XKR3: variants seen among roughly 807,000 people sequenced by gnomAD.
The protein encoded by XKR3 is XK related 3.
Under a neutral mutation model 40.3 loss-of-function variants are expected in XKR3, and 27 were observed. The observed-to-expected ratio is 0.67, with a 90% CI of 0.49 to 0.92. XKR3 has a LOEUF of 0.92. XKR3 is among the 40% of genes least tolerant of loss of function. XKR3 has a pLI of 0.00. For missense variants in XKR3, 472 were observed against 537.6 expected (o/e 0.88, Z 1.21); for synonymous variants, 193 against 195.4 (o/e 0.99, Z 0.10).
In XKR3 at chr22:16,824,032, A is replaced by G. The variant is rs145594454; in HGVS notation, c.-11+1259T>C. ...TTAAAAAACAAAACAAAACAACAAC[A>G]ACAACAAAATAATTTGTTGCTTGCA... On this transcript the variant is annotated intron_variant, in intron 1 of 3. Transcript: ENST00000684488. Among the ~76,000 whole-genome samples the G allele has an allele frequency of 8.5e-5, 13 of 152,340 alleles. No individual in the cohort carries two copies. In the South Asian group the frequency reaches 1.2e-3, roughly 15 times the overall value.
intron 3 of XKR3, among the ~76,000 whole-genome samples, chr22:16,794,101 G>C (rs1356686583): frequency 4.6e-5 from 7 of 152,118 alleles, no homozygotes; most frequent in Admixed American, 1.3e-4. Context: ...AGAAAAGGAG[G>C]AAGAATAAGC....
intron 1 of XKR3, among the ~76,000 whole-genome samples, chr22:16,818,085 C>T (rs1264382180): frequency 1.3e-5 from 2 of 151,918 alleles, no homozygotes; most frequent in Non-Finnish European, 2.9e-5. Context: ...AAAACTTCTT[C>T]GAGATTAATT....
rs1185654835 is a variant in XKR3, at chr22:16,783,912, T to G, written c.1087A>C (p.Arg363=). Residue 363 remains arginine (R), a synonymous_variant, in exon 4 of 4, where the codon AGG becomes CGG. Coordinates refer to ENST00000684488, the MANE Select transcript of XKR3 (RefSeq NM_001386955.1). ...LENVIMILVF[R]FFGGKTLLNC... ...AGCAAAGTTTTCCCTCCAAAGAACCTAAATACCAATATCATTATCACATTT... is the reference window on the plus strand; with the variant it reads ...AGCAAAGTTTTCCCTCCAAAGAACCGAAATACCAATATCATTATCACATTT... 2 of 1,614,216 alleles carry G rather than the reference T, an allele frequency of 1.2e-6. No homozygotes were observed. Among genetic ancestry groups the G allele is most frequent in the Non-Finnish European group, 1.7e-6 (2 of 1,180,040 alleles).
intron 1 of XKR3, among the ~76,000 whole-genome samples, chr22:16,810,142 T>C (rs2060206811): frequency 6.6e-6 from 1 of 152,202 alleles, no homozygotes; most frequent in Non-Finnish European, 1.5e-5. Context: ...TCCTGTACAA[T>C]GGATTTCTGA....
At chr22:16,810,400 A>C (rs1359403054) in intron 1 of XKR3, among the ~76,000 whole-genome samples, 1 of 152,116 alleles carries the variant, frequency 6.6e-6, no homozygotes, top group African/African-American at 2.4e-5. Context: ...CATTTCTATT[A>C]ATCATCAAAT....
At chr22:16,794,000 C>A (rs1355359282) in intron 3 of XKR3, among the ~76,000 whole-genome samples, 1 of 151,980 alleles carries the variant, frequency 6.6e-6, no homozygotes, top group Non-Finnish European at 1.5e-5. Context: ...AATAATGAAG[C>A]AAAAATAATT....
At chr22:16,790,916 A>G (rs1209378507) in intron 3 of XKR3, among the ~76,000 whole-genome samples, 1 of 150,982 alleles carries the variant, frequency 6.6e-6, no homozygotes, top group Non-Finnish European at 1.5e-5. Flanking sequence ...AAGAATATGG[A>G]GGAACGAAAA....
At position 16,784,079 on chromosome 22, in the gene XKR3, A is replaced by AGCATCAG; in HGVS notation, c.913_919dup (p.Leu307ProfsTer28). On this transcript the variant is annotated frameshift_variant, in exon 4 of 4. Coordinates refer to ENST00000684488, the MANE Select transcript of XKR3 (RefSeq NM_001386955.1). LOFTEE classifies it high-confidence loss of function. ...AGCATATAGCAGTGTGATCAAGAAA[A>AGCATCAG]GCATCAGTACTGTACCCACCATATT... is the stretch of plus-strand genomic sequence containing the variant. 1 of 1,614,202 alleles carries AGCATCAG rather than the reference A, an allele frequency of 6.2e-7. No homozygotes were observed. Among genetic ancestry groups the AGCATCAG allele is most frequent in the South Asian group, 1.1e-5 (1 of 91,082 alleles).
chr22:16,803,492 A>G (rs527585333), intron 2 of XKR3, among the ~76,000 whole-genome samples: 1 of 152,328 alleles, frequency 6.6e-6, no homozygotes, highest in South Asian at 2.1e-4. Context: ...CCAGATATTT[A>G]AAGCATTCTA....
intron 3 of XKR3, among the ~76,000 whole-genome samples, chr22:16,787,928 A>C (rs1221482583): frequency 1.3e-5 from 2 of 152,218 alleles, no homozygotes; most frequent in Admixed American, 6.5e-5. Flanking sequence ...AAATGAATAG[A>C]TCATGCAGAC....
intron 3 of XKR3, among the ~76,000 whole-genome samples, chr22:16,796,365 G>A (rs2060140788): frequency 6.6e-6 from 1 of 152,150 alleles, no homozygotes; most frequent in African/African-American, 2.4e-5. Flanking sequence ...CAGATTCTAT[G>A]AGCCCAGCAT....
chr22:16,784,605 A>T lies in XKR3; in HGVS notation c.590-196T>A, dbSNP rs762590263. On this transcript the variant is annotated intron_variant, in intron 3 of 3. Coordinates refer to ENST00000684488, the MANE Select transcript of XKR3 (RefSeq NM_001386955.1). ...AGTATAGGCATGCAAAACATATATT[A>T]CACCTTGGAAAAACAAATAATAAGC... Among the ~76,000 whole-genome samples, 397 of 152,326 alleles carry T rather than the reference A, an allele frequency of 2.6e-3. 4 individuals carry two copies. The highest frequency in any genetic ancestry group is 8.6e-3 in the African/African-American group (357 of 41,572).
chr22:16,799,141 C>A (rs561799623), intron 3 of XKR3, among the ~76,000 whole-genome samples: 1 of 151,910 alleles, frequency 6.6e-6, no homozygotes, highest in Non-Finnish European at 1.5e-5. Context: ...TGGCTGGGCG[C>A]GGTGGCTCAT....
chr22:16,804,344 G>T (rs904624303), intron 2 of XKR3, among the ~76,000 whole-genome samples: 1 of 152,084 alleles, frequency 6.6e-6, no homozygotes, highest in Non-Finnish European at 1.5e-5. Context: ...TTACTTTCCA[G>T]TCTGACTCTG....
intron 1 of XKR3, among the ~76,000 whole-genome samples, chr22:16,817,391 C>T (rs141731698): frequency 3.3e-5 from 5 of 151,870 alleles, no homozygotes; most frequent in Admixed American, 6.6e-5. Flanking sequence ...ATATCTTGTA[C>T]GTAATATAAA....
At chr22:16,810,418 G>T (rs1244814670) in intron 1 of XKR3, among the ~76,000 whole-genome samples, 1 of 152,084 alleles carries the variant, frequency 6.6e-6, no homozygotes, top group South Asian at 2.1e-4. Context: ...AATTCTGCAT[G>T]TTTTACTTTT....
At chr22:16,804,433 T>C (rs571137374) in intron 2 of XKR3, among the ~76,000 whole-genome samples, 1 of 152,282 alleles carries the variant, frequency 6.6e-6, no homozygotes, top group South Asian at 2.1e-4. Context: ...TGTTTTGAAA[T>C]GGCCCTACAA....
Position 16,784,137 on chromosome 22 carries a change from C to A in XKR3, c.862G>T (p.Ala288Ser). 1 of 1,614,152 alleles carries A rather than the reference C, an allele frequency of 6.2e-7. No homozygotes were observed. Among genetic ancestry groups the A allele is most frequent in the Non-Finnish European group, 8.5e-7 (1 of 1,180,040 alleles). ...TTTTCTTTGTTGCCAGGAAGATGAG[C>A]TCCACTTTTCCAAAACTCCAGCCAC... is the stretch of plus-strand genomic sequence containing the variant. Reference protein sequence around the residue: ...APWLEFWKSGAHLPGNKENNS... With the variant: ...APWLEFWKSGSHLPGNKENNS... Residue 288 changes from alanine (A) to serine (S), a missense_variant, in exon 4 of 4, where the codon GCT becomes TCT. By Grantham distance (99) the Ala-to-Ser change is moderately conservative (BLOSUM62 1). Transcript: ENST00000684488.
At chr22:16,813,819 A>G (rs906170046) in intron 1 of XKR3, among the ~76,000 whole-genome samples, 6 of 152,150 alleles carry the variant, frequency 3.9e-5, no homozygotes, top group African/African-American at 1.4e-4. Context: ...ATTTTTCCAT[A>G]TATTCACCAA....
Sources: gnomAD v4.1 joint callset for allele counts (sites outside exome capture counted in the v4.1 genomes callset) on GRCh38, gnomAD v4.1.1 for gene constraint, MANE v1.5 for transcripts, NCBI Gene and HGNC (gene_info 2026-07-23, HGNC 2026-07-21) for gene names.